The following SHC4 variants were observed in gnomAD, a reference collection of about 807,000 sequenced individuals.
SHC4 encodes SHC-transforming protein 4.
Under a neutral mutation model 69.4 loss-of-function variants are expected in SHC4, and 41 were observed. That is an observed-to-expected ratio of 0.59 (90% CI 0.46 to 0.77). The LOEUF is 0.77. Ranked by LOEUF, SHC4 falls within the 30% of genes least tolerant of loss-of-function variation. The probability of loss-of-function intolerance (pLI) is 0.00; values close to 1 mark genes in which losing one functional copy is unlikely to be tolerated. For synonymous variants in SHC4, 318 were observed against 299.3 expected (o/e 1.06, Z -0.64); for missense variants, 777 against 783.8 (o/e 0.99, Z 0.10).
At chr15:48,919,964 T>C (rs997142971) in intron 2 of SHC4, among the ~76,000 whole-genome samples, 2 of 151,792 alleles carry the variant, frequency 1.3e-5, no homozygotes, top group Non-Finnish European at 2.9e-5. Flanking sequence ...GTTCACCTTT[T>C]ACTATTTACA....
chr15:48,909,727 C>T (rs933177576), intron 2 of SHC4, among the ~76,000 whole-genome samples: 1 of 152,052 alleles, frequency 6.6e-6, no homozygotes, highest in Non-Finnish European at 1.5e-5. Flanking sequence ...AAGGTGTGTC[C>T]TTTGTATGCC....
rs1900822988 is a variant in SHC4 at position 48,924,936 on chromosome 15, A to T, written c.599T>A (p.Val200Asp). The change falls in exon 2 of 12, where the codon GTT becomes GAT. Residue 200 changes from valine (V) to aspartate (D), a missense_variant. Transcript: ENST00000332408. Reference sequence around the variant, plus strand: ...TGATCTCATTGATTGCAGCACTTCAACACAGCCCATGTACTACAATAAGAA... The same window carrying T: ...TGATCTCATTGATTGCAGCACTTCATCACAGCCCATGTACTACAATAAGAA... ...MNYCVRYMGC[V>D]EVLQSMRSLD... is the part of the protein sequence containing the mutation. The T allele has an allele frequency of 6.2e-7, 1 of 1,614,028 alleles. No homozygotes were observed. Among genetic ancestry groups the T allele is most frequent in the South Asian group, 1.1e-5 (1 of 91,084 alleles).
chr15:48,836,075 C>T (rs1301053635), intron 10 of SHC4, among the ~76,000 whole-genome samples: 1 of 150,080 alleles, frequency 6.7e-6, no homozygotes, highest in African/African-American at 2.5e-5. Context: ...TGCCTGCAGT[C>T]CCAGCTACTT....
chr15:48,957,792 A>T (rs1489083122), intron 1 of SHC4, among the ~76,000 whole-genome samples: 1 of 152,222 alleles, frequency 6.6e-6, no homozygotes, highest in Non-Finnish European at 1.5e-5. Context: ...AATAAAGATG[A>T]GATTATATTA....
intron 2 of SHC4, among the ~76,000 whole-genome samples, chr15:48,900,028 G>A (rs150396993): frequency 1.2e-4 from 18 of 152,274 alleles, no homozygotes; most frequent in Admixed American, 4.6e-4. Flanking sequence ...GTGTTAGTGC[G>A]TGTTAAGGAA....
chr15:48,938,321 C>G (rs1901111237), intron 1 of SHC4: 1 of 152,218 alleles, frequency 6.6e-6, no homozygotes, highest in African/African-American at 2.4e-5. Context: ...GGAAGAACAA[C>G]TGAATAATTG....
intron 2 of SHC4, among the ~76,000 whole-genome samples, chr15:48,919,302 T>TTTTTTTTTTTTTTTTTTTTTTTG (rs1900695436): frequency 8.1e-6 from 1 of 122,846 alleles, no homozygotes. Context: ...TTAATTTTTT[T>TTTTTTTTTTTTTTTTTTTTTTTG]TTTTTTTTTT....
At chr15:48,850,487 A>G (rs1899188573) in intron 9 of SHC4, among the ~76,000 whole-genome samples, 2 of 152,216 alleles carry the variant, frequency 1.3e-5, no homozygotes, top group Non-Finnish European at 2.9e-5. Context: ...ATCCATCTGT[A>G]TTCTCCACTG....
At chr15:48,876,602 A>G (rs1228436315) in intron 4 of SHC4, 1 of 698,916 alleles carries the variant, frequency 1.4e-6, no homozygotes, top group East Asian at 2.7e-5. Flanking sequence ...GAGGAGAGCC[A>G]GTCCGAGTTC....
At chr15:48,844,980 C>T (rs2140974527) in intron 9 of SHC4, among the ~76,000 whole-genome samples, 1 of 152,268 alleles carries the variant, frequency 6.6e-6, no homozygotes, top group South Asian at 2.1e-4. Context: ...AATACAACCT[C>T]CAAAGTCCAT....
At chr15:48,892,063 G>C (rs990795371) in intron 2 of SHC4, among the ~76,000 whole-genome samples, 1 of 152,096 alleles carries the variant, frequency 6.6e-6, no homozygotes, top group Non-Finnish European at 1.5e-5. Flanking sequence ...CACCGTGTTA[G>C]CCAGGATGGT....
intron 1 of SHC4, among the ~76,000 whole-genome samples, chr15:48,933,393 AC>A (rs1420034522): frequency 2.0e-5 from 3 of 152,220 alleles, no homozygotes; most frequent in Admixed American, 2.0e-4. Flanking sequence ...CACTTTGAAA[AC>A]TGAAAAACAT....
intron 8 of SHC4, among the ~76,000 whole-genome samples, chr15:48,854,237 T>C (rs2140981545): frequency 6.6e-6 from 1 of 152,250 alleles, no homozygotes; most frequent in East Asian, 1.9e-4. Context: ...TCACTAATCA[T>C]CAGAGAAGTG....
rs201080470 is a variant in SHC4 at position 48,826,055 on chromosome 15, T to G, written c.1809A>C (p.Pro603=). ...TTACTTCGCTTCCAGAGGAGATGAT[T>G]GGCAAACTGTTATCCATATGGTATC... is the stretch of plus-strand genomic sequence containing the variant. ...LIRYHMDNSL[P]IISSGSEVSL... Residue 603 remains proline (P), a synonymous_variant, in exon 12 of 12, where the codon CCA becomes CCC. Transcript: ENST00000332408. 2.5e-6 allele frequency: 4 copies of G among 1,614,000 alleles called. No individual in the cohort carries two copies. Among genetic ancestry groups the G allele is most frequent in the Non-Finnish European group, 3.4e-6 (4 of 1,179,954 alleles).
chr15:48,943,038 C>A (rs758978180), intron 1 of SHC4, among the ~76,000 whole-genome samples: 28 of 152,218 alleles, frequency 1.8e-4, no homozygotes, highest in Non-Finnish European at 8.8e-5. Flanking sequence ...GAAAGTCTCA[C>A]TGAAGAACTG....
intron 9 of SHC4, among the ~76,000 whole-genome samples, chr15:48,849,789 C>T (rs895222824): frequency 1.3e-5 from 2 of 152,012 alleles, no homozygotes; most frequent in African/African-American, 2.4e-5. Context: ...TTCATACTTG[C>T]CATTAATTTA....
chr15:48,851,388 A>T (rs1899212132), intron 8 of SHC4, 140 bp from the exon 9 acceptor site: 1 of 767,942 alleles, frequency 1.3e-6, no homozygotes, highest in African/African-American at 1.8e-5. Flanking sequence ...GTAAGAAAAG[A>T]AAATGGATAT....
intron 11 of SHC4, among the ~76,000 whole-genome samples, chr15:48,830,001 ACT>A (rs781753480): frequency 1.8e-4 from 28 of 152,114 alleles, no homozygotes; most frequent in Admixed American, 4.6e-4. Context: ...CAATTCAGCC[ACT>A]CTATGCTTTT....
intron 6 of SHC4, among the ~76,000 whole-genome samples, chr15:48,861,157 T>C (rs1401562029): frequency 6.6e-6 from 1 of 152,216 alleles, no homozygotes; most frequent in Non-Finnish European, 1.5e-5. Context: ...GAGACAGGTG[T>C]CTCACTACGT....
Sources: allele counts gnomAD v4.1 joint callset (sites outside exome capture counted in the v4.1 genomes callset), GRCh38; gene constraint gnomAD v4.1.1; transcripts MANE v1.5; gene names NCBI Gene and HGNC (gene_info 2026-07-23, HGNC 2026-07-21).